MAN1A1: variants seen among roughly 807,000 people sequenced by gnomAD.
MAN1A1 encodes the protein mannosidase alpha class 1A member 1, also known as mannosyl-oligosaccharide 1,2-alpha-mannosidase IA.
A neutral mutation model predicts 70.8 loss-of-function variants in MAN1A1; 29 were observed. That is an observed-to-expected ratio of 0.41 (90% CI 0.31 to 0.56). The LOEUF is 0.56. Ranked by LOEUF, MAN1A1 falls within the 20% of genes least tolerant of loss-of-function variation. The pLI, the probability that MAN1A1 is intolerant of heterozygous loss-of-function variation, is 0.29. For synonymous variants in MAN1A1, 349 were observed against 330.1 expected (o/e 1.06, Z -0.62); for missense variants, 747 against 841.3 (o/e 0.89, Z 1.39).
At chr6:119,305,818 C>T (rs534461250) in intron 3 of MAN1A1, among the ~76,000 whole-genome samples, 35 of 152,260 alleles carry the variant, frequency 2.3e-4, no homozygotes, top group Admixed American at 2.0e-3. Flanking sequence ...TCATTATCAC[C>T]AGTGCTACAA....
intron 6 of MAN1A1, among the ~76,000 whole-genome samples, chr6:119,230,845 T>C (rs1461379951): frequency 6.6e-6 from 1 of 152,208 alleles, no homozygotes; most frequent in Non-Finnish European, 1.5e-5. Context: ...AACACAGTTA[T>C]GTATTAATGG....
At chr6:119,215,121 G>A (rs1327828056) in intron 6 of MAN1A1, among the ~76,000 whole-genome samples, 2 of 151,442 alleles carry the variant, frequency 1.3e-5, no homozygotes, top group African/African-American at 4.9e-5. Flanking sequence ...AATGGGTGCA[G>A]CACACCAACA....
chr6:119,330,642 A>G (rs1472505051), intron 2 of MAN1A1, among the ~76,000 whole-genome samples: 3 of 152,122 alleles, frequency 2.0e-5, no homozygotes, highest in Non-Finnish European at 4.4e-5. Flanking sequence ...GATAAAGTCT[A>G]AACACCTGGT....
chr6:119,202,659 C>T (rs6924699), intron 7 of MAN1A1, among the ~76,000 whole-genome samples: 2,443 of 152,186 alleles, frequency 0.016, 69 homozygotes, highest in African/African-American at 0.057. Context: ...CATTGCACTA[C>T]GACATTATGA....
At position 119,247,884 on chromosome 6, in the gene MAN1A1, T is replaced by TA. The variant is rs1476239235; in HGVS notation, c.992+375dup. Among the ~76,000 whole-genome samples the TA allele has an allele frequency of 6.6e-5, 10 of 152,338 alleles. No individual in the cohort carries two copies. In the East Asian group the frequency reaches 1.7e-3, roughly 26 times the overall value. ...CATATTTCTGACCAGTAGCTGAACT[T>TA]AAATAAAGGTTCTTAGGAATTTGCT... On this transcript the variant is annotated intron_variant, in intron 6 of 12. Transcript: ENST00000368468.
At chr6:119,337,257 CTG>C (rs1773477365) in intron 2 of MAN1A1, among the ~76,000 whole-genome samples, 1 of 151,520 alleles carries the variant, frequency 6.6e-6, no homozygotes, top group Non-Finnish European at 1.5e-5. Context: ...TGACTTCTGA[CTG>C]TTGTAAAAAA....
intron 9 of MAN1A1, among the ~76,000 whole-genome samples, chr6:119,192,331 T>C (rs114081506): frequency 0.012 from 1,827 of 152,242 alleles, 35 homozygotes; most frequent in African/African-American, 0.042. Flanking sequence ...AAAGAGGCCA[T>C]GTGGATCATA....
At chr6:119,277,416 G>C (rs1582759848) in intron 5 of MAN1A1, among the ~76,000 whole-genome samples, 1 of 152,178 alleles carries the variant, frequency 6.6e-6, no homozygotes, top group African/African-American at 2.4e-5. Flanking sequence ...GAAATCTTTA[G>C]AGGACTTCCT....
intron 4 of MAN1A1, among the ~76,000 whole-genome samples, chr6:119,297,250 A>T (rs1772240666): frequency 6.6e-6 from 1 of 152,222 alleles, no homozygotes; most frequent in Non-Finnish European, 1.5e-5. Flanking sequence ...TGAACTCCAG[A>T]TCATCTGTAA....
chr6:119,180,614 G>C (rs748337281), intron 11 of MAN1A1, among the ~76,000 whole-genome samples, 187 bp from the exon 12 acceptor site: 3 of 151,938 alleles, frequency 2.0e-5, no homozygotes, highest in Non-Finnish European at 4.4e-5. Context: ...TTGGGCTCAG[G>C]TGATTCTCCT....
chr6:119,332,944 T>A (rs1444418428), intron 2 of MAN1A1, among the ~76,000 whole-genome samples: 1 of 152,062 alleles, frequency 6.6e-6, no homozygotes, highest in East Asian at 1.9e-4. Context: ...TGGCTACTAA[T>A]GTGTTGTGTG....
intron 9 of MAN1A1, among the ~76,000 whole-genome samples, chr6:119,192,319 T>C (rs925923741): frequency 6.6e-6 from 1 of 152,152 alleles, no homozygotes; most frequent in Non-Finnish European, 1.5e-5. Context: ...AAAATAAACC[T>C]AAAAGAGGCC....
At position 119,188,410 on chromosome 6, in the gene MAN1A1, C is replaced by T. The variant is rs754080000; in HGVS notation, c.1714G>A (p.Val572Ile). ...PKYRKWAWEA[V>I]EALENHCRVN... Reference sequence around the variant, plus strand: ...CATGCAAATTAAAACATCACCTCTACGGCTTCCCAGGCCCATTTCCTGTAC... The same window carrying T: ...CATGCAAATTAAAACATCACCTCTATGGCTTCCCAGGCCCATTTCCTGTAC... The change falls in exon 11 of 13, where the codon GTA becomes ATA. Residue 572 changes from valine to isoleucine, a missense_variant. Val to Ile is a conservative substitution (Grantham distance 29). This residue lies in a region of MAN1A1 where 419 missense variants were observed against 548.2 expected (regional missense o/e 0.76). Coordinates refer to ENST00000368468, the MANE Select transcript of MAN1A1 (RefSeq NM_005907.4). The T allele has an allele frequency of 1.0e-5, 16 of 1,604,212 alleles. No individual in the cohort carries two copies. Among genetic ancestry groups the T allele is most frequent in the Middle Eastern group, 3.3e-4 (2 of 5,996 alleles).
At chr6:119,293,747 T>C (rs1451220974) in intron 4 of MAN1A1, among the ~76,000 whole-genome samples, 1 of 152,052 alleles carries the variant, frequency 6.6e-6, no homozygotes, top group Non-Finnish European at 1.5e-5. Context: ...GTTAACTCTT[T>C]ATAGATTCGT....
chr6:119,279,841 C>G (rs2114396146), intron 5 of MAN1A1, among the ~76,000 whole-genome samples: 1 of 152,312 alleles, frequency 6.6e-6, no homozygotes, highest in East Asian at 1.9e-4. Flanking sequence ...ACCTTCTCTT[C>G]TTCAATCAAA....
chr6:119,202,484 G>A (rs1456554397), intron 7 of MAN1A1, among the ~76,000 whole-genome samples: 1 of 151,990 alleles, frequency 6.6e-6, no homozygotes, highest in Non-Finnish European at 1.5e-5. Context: ...AAAAAAAGTG[G>A]TACATTCTAA....
chr6:119,203,974 G>C (rs1056886783), intron 7 of MAN1A1, among the ~76,000 whole-genome samples: 2 of 152,112 alleles, frequency 1.3e-5, no homozygotes, highest in Non-Finnish European at 2.9e-5. Flanking sequence ...AGGATTGAGT[G>C]CTAGGGCTTT....
intron 8 of MAN1A1, among the ~76,000 whole-genome samples, chr6:119,200,813 A>G (rs1313230639): frequency 6.6e-6 from 1 of 152,188 alleles, no homozygotes; most frequent in African/African-American, 2.4e-5. Context: ...TTGCTCTTCC[A>G]ATTTCCCAAC....
intron 6 of MAN1A1, among the ~76,000 whole-genome samples, chr6:119,223,082 A>G (rs1184980114): frequency 6.6e-6 from 1 of 152,184 alleles, no homozygotes. Context: ...AAACAGGAAA[A>G]GAATATTTTA....
Sources: allele counts gnomAD v4.1 joint callset (sites outside exome capture counted in the v4.1 genomes callset), GRCh38; gene constraint gnomAD v4.1.1; regional missense constraint gnomAD v4.1.1; transcripts MANE v1.5; gene names NCBI Gene and HGNC (gene_info 2026-07-23, HGNC 2026-07-21).